PSME4: variants seen among roughly 807,000 people sequenced by gnomAD.
PSME4 encodes proteasome activator complex subunit 4.
Under a neutral mutation model 253.9 loss-of-function variants are expected in PSME4, and 89 were observed. The ratio of observed to expected loss-of-function variants is 0.35; its 90% CI spans 0.30 to 0.42. The LOEUF (loss-of-function observed/expected upper bound fraction) is 0.42, where lower values mean the gene tolerates loss of function less well. Ranked by LOEUF, PSME4 falls within the 10% of genes least tolerant of loss-of-function variation. The probability of loss-of-function intolerance (pLI) is 1.00; values close to 1 mark genes in which losing one functional copy is unlikely to be tolerated. For missense variants in PSME4, 2,014 were observed against 2,195.2 expected (o/e 0.92, Z 1.65); for synonymous variants, 851 against 759.2 (o/e 1.12, Z -1.99).
intron 44 of PSME4, among the ~76,000 whole-genome samples, chr2:53,868,482 AAT>A (rs561721048): frequency 0.054 from 4,539 of 84,346 alleles, 114 homozygotes; most frequent in Non-Finnish European, 0.067. Flanking sequence ...ATATATTTAT[AAT>A]ATATATATAT....
intron 3 of PSME4, among the ~76,000 whole-genome samples, chr2:53,941,152 A>C (rs992130350): frequency 1.4e-5 from 2 of 146,042 alleles, no homozygotes; most frequent in Non-Finnish European, 3.0e-5. Flanking sequence ...CAAACTCATC[A>C]CAAATAATCA....
At chr2:53,910,606 ACT>A (rs1667787245) in intron 20 of PSME4, among the ~76,000 whole-genome samples, 1 of 152,180 alleles carries the variant, frequency 6.6e-6, no homozygotes, top group Non-Finnish European at 1.5e-5. Flanking sequence ...TATAAAAATC[ACT>A]GTTTCCTAAT....
chr2:53,909,747 A>G (rs1245152737), intron 21 of PSME4, among the ~76,000 whole-genome samples: 1 of 152,134 alleles, frequency 6.6e-6, no homozygotes, highest in African/African-American at 2.4e-5. Context: ...AGATCACTTG[A>G]TGTCAGGAGC....
intron 1 of PSME4, among the ~76,000 whole-genome samples, chr2:53,954,788 C>T (rs868632461): frequency 4.0e-5 from 6 of 151,750 alleles, no homozygotes; most frequent in African/African-American, 1.2e-4. Context: ...TTGCAGTGAG[C>T]CAAGACTGTG....
At chr2:53,896,152 A>G (rs540360665) in intron 32 of PSME4, among the ~76,000 whole-genome samples, 95 of 152,300 alleles carry the variant, frequency 6.2e-4, no homozygotes, top group African/African-American at 2.2e-3. Context: ...ATACTTATCT[A>G]AACTATGAGT....
At chr2:53,915,095 T>C (rs1667996743) in intron 20 of PSME4, among the ~76,000 whole-genome samples, 2 of 152,110 alleles carry the variant, frequency 1.3e-5, no homozygotes, top group South Asian at 2.1e-4. Flanking sequence ...CCATCCCACA[T>C]ACCCTATTAG....
intron 37 of PSME4, among the ~76,000 whole-genome samples, chr2:53,889,376 T>C (rs1006428613): frequency 4.6e-5 from 7 of 152,070 alleles, no homozygotes; most frequent in African/African-American, 1.7e-4. Context: ...CCTAATACAA[T>C]GTAAATGCTA....
intron 1 of PSME4, among the ~76,000 whole-genome samples, chr2:53,952,536 C>T (rs1281691530): frequency 6.6e-6 from 1 of 152,146 alleles, no homozygotes; most frequent in Non-Finnish European, 1.5e-5. Context: ...GAGAGAGACT[C>T]AGTCTCAAAC....
At position 53,970,961 on chromosome 2, in the gene PSME4, T is replaced by C. The variant is rs1442937346; in HGVS notation, c.-177A>G. ...GGCGTGCTGCTGGGCCCCACGCGGC[T>C]CTCAGTTCGTTGGCGGCGGCAGCGG... On this transcript the variant is annotated 5_prime_UTR_variant, in exon 1 of 47. Transcript: ENST00000404125. 3 of 504,446 alleles carry C rather than the reference T, an allele frequency of 5.9e-6. No homozygotes were observed. Among genetic ancestry groups the C allele is most frequent in the East Asian group, 3.6e-5 (1 of 27,636 alleles). 31.2% of individuals were successfully genotyped at this position (504,446 alleles called of 1,614,324 possible).
In PSME4 at chr2:53,926,028, A is replaced by G; in HGVS notation, c.1594-5T>C. On this transcript the variant is annotated splice_polypyrimidine_tract_variant and splice_region_variant and intron_variant, in intron 12 of 46. Transcript: ENST00000404125. ...TGAACAAAGTTCTCGTTCCACCTAT[A>G]ATATCCCAATATGGAGAAAGATTAC... The G allele has an allele frequency of 6.2e-7, 1 of 1,606,916 alleles. No individual in the cohort carries two copies. The highest frequency in any genetic ancestry group is 8.5e-7 in the Non-Finnish European group (1 of 1,173,676).
chr2:53,891,169 A>C (rs1006640343), intron 36 of PSME4, among the ~76,000 whole-genome samples: 4 of 152,256 alleles, frequency 2.6e-5, no homozygotes, highest in African/African-American at 7.2e-5. Context: ...AGAGGCAATG[A>C]CATTTTAATT....
chr2:53,950,764 C>G (rs1302542292), intron 1 of PSME4, among the ~76,000 whole-genome samples: 1 of 150,390 alleles, frequency 6.6e-6, no homozygotes, highest in East Asian at 2.0e-4. Flanking sequence ...TTGCTTGAAC[C>G]TGGGAGGCGG....
intron 26 of PSME4, among the ~76,000 whole-genome samples, chr2:53,904,681 G>A (rs1407614394): frequency 6.6e-6 from 1 of 152,136 alleles, no homozygotes; most frequent in Non-Finnish European, 1.5e-5. Context: ...TAGTTAAATA[G>A]TAATGGATAA....
chr2:53,949,784 A>G (rs143616712), intron 1 of PSME4, among the ~76,000 whole-genome samples: 85 of 152,346 alleles, frequency 5.6e-4, no homozygotes, highest in African/African-American at 2.0e-3. Flanking sequence ...CAAGTAAAAT[A>G]AAAGAAGTTG....
chr2:53,914,653 C>T (rs939334265), intron 20 of PSME4, among the ~76,000 whole-genome samples: 6 of 152,070 alleles, frequency 3.9e-5, no homozygotes, highest in Non-Finnish European at 7.4e-5. Context: ...GAGGCAGAGG[C>T]GGGTGGATCA....
At chr2:53,882,651 T>C (rs1679446197) in intron 41 of PSME4, among the ~76,000 whole-genome samples, 1 of 152,226 alleles carries the variant, frequency 6.6e-6, no homozygotes, top group Non-Finnish European at 1.5e-5. Context: ...AACTTCACGC[T>C]GTTAATGACT....
chr2:53,921,055 A>T lies in PSME4; in HGVS notation c.2096T>A (p.Val699Glu). The T allele has an allele frequency of 6.2e-7, 1 of 1,614,114 alleles. No individual in the cohort carries two copies. The highest frequency in any genetic ancestry group is 8.5e-7 in the Non-Finnish European group (1 of 1,180,004). ...ATGTAGGGTTCTTTGGAGAATCTTTACAAGCTGCTCCCTATAAAGAAGCAA... is the reference window on the plus strand; with the variant it reads ...ATGTAGGGTTCTTTGGAGAATCTTTTCAAGCTGCTCCCTATAAAGAAGCAA... ...RKLLLYREQL[V>E]KILQRTLHLT... Residue 699 changes from valine to glutamate, a missense_variant, in exon 18 of 47, where the codon GTA (valine) becomes GAA (glutamate). This residue lies in a region of PSME4 where 989 missense variants were observed against 1,021.1 expected (regional missense o/e 0.97). Coordinates refer to ENST00000404125, the MANE Select transcript of PSME4 (RefSeq NM_014614.3).
intron 14 of PSME4, among the ~76,000 whole-genome samples, chr2:53,924,247 T>C (rs1360801055): frequency 6.6e-6 from 1 of 152,198 alleles, no homozygotes; most frequent in East Asian, 1.9e-4. Flanking sequence ...CTCTTTTTGG[T>C]TAAATAAGAG....
At chr2:53,865,915 T>C in intron 46 of PSME4, 170 bp downstream of exon 46, 1 of 711,358 alleles carries the variant, frequency 1.4e-6, no homozygotes, top group Non-Finnish European at 2.2e-6. Context: ...CACAGCAAAA[T>C]TCTCATTTCC....
Sources: gnomAD v4.1 joint callset for allele counts (sites outside exome capture counted in the v4.1 genomes callset) on GRCh38, gnomAD v4.1.1 for gene constraint, gnomAD v4.1.1 regional missense constraint, MANE v1.5 for transcripts, NCBI Gene and HGNC (gene_info 2026-07-23, HGNC 2026-07-21) for gene names.